Variants in ADCY5 observed in about 807,000 individuals in gnomAD.
The protein encoded by ADCY5 is adenylate cyclase 5.
A neutral mutation model predicts 119.7 loss-of-function variants in ADCY5; 30 were observed. The ratio of observed to expected loss-of-function variants is 0.25; its 90% CI spans 0.19 to 0.34. The LOEUF is 0.34. ADCY5 is among the 10% of genes least tolerant of loss of function. The pLI is 1.00. For synonymous variants in ADCY5, 753 were observed against 762.2 expected, an observed-to-expected ratio of 0.99 and a Z score of 0.20; for missense variants, 1,324 against 1,775.2, an observed-to-expected ratio of 0.75 and a Z score of 4.57.
rs1428888048 is a variant in ADCY5, at chr3:123,286,919, T to C, written c.3533-110A>G. 3 of 1,441,500 alleles carry C rather than the reference T, an allele frequency of 2.1e-6. No homozygotes were observed. Among genetic ancestry groups the C allele is most frequent in the Non-Finnish European group, 1.8e-6 (2 of 1,093,878 alleles). The allele number at this position is 1,441,500 out of a possible 1,614,324, so 89.3% of individuals were successfully genotyped here. Reference sequence around the variant, plus strand: ...TCTGACTCCCAACCTGAGACACCCGTGGGCTTCCAGGCCCAAGGCTGTGCT... The same window carrying C: ...TCTGACTCCCAACCTGAGACACCCGCGGGCTTCCAGGCCCAAGGCTGTGCT... On this transcript the variant is annotated intron_variant, in intron 19 of 20. Coordinates refer to ENST00000462833, the MANE Select transcript of ADCY5 (RefSeq NM_183357.3). The surrounding 1 kb of genome is among the most constrained non-coding windows in gnomAD (Gnocchi z 4.2).
intron 12 of ADCY5, among the ~76,000 whole-genome samples, chr3:123,304,674 A>G (rs1253844435): frequency 6.6e-6 from 1 of 151,956 alleles, no homozygotes; most frequent in Non-Finnish European, 1.5e-5. Flanking sequence ...ACCAGCGAGG[A>G]GCAGGAAGGA....
chr3:123,288,412 G>A (rs1228529430), intron 19 of ADCY5, among the ~76,000 whole-genome samples: 1 of 152,200 alleles, frequency 6.6e-6, no homozygotes, highest in East Asian at 1.9e-4. Context: ...ATGGCTAATA[G>A]AACAAAGGCC....
At chr3:123,307,250 A>C (rs1940248480) in intron 12 of ADCY5, among the ~76,000 whole-genome samples, 1 of 152,160 alleles carries the variant, frequency 6.6e-6, no homozygotes, top group African/African-American at 2.4e-5. Flanking sequence ...TATGCATATT[A>C]TGTCGCAATG....
chr3:123,286,576 G>T lies in ADCY5; in HGVS notation c.3657+109C>A. 1.4e-6 allele frequency: 2 copies of T among 1,426,190 alleles called. No homozygotes were observed. Among genetic ancestry groups the T allele is most frequent in the Non-Finnish European group, 1.9e-6 (2 of 1,068,466 alleles). The allele number at this position is 1,426,190 out of a possible 1,614,324, so 88.3% of individuals were successfully genotyped here. On this transcript the variant is annotated intron_variant, in intron 20 of 20. Coordinates refer to ENST00000462833, the MANE Select transcript of ADCY5 (RefSeq NM_183357.3). The surrounding 1 kb of genome is among the most constrained non-coding windows in gnomAD (Gnocchi z 4.2). ...AACAGCCCCATCACCCTTGAATCTG[G>T]CTGCAGACATTCTGACTGGGAACTG...
At chr3:123,354,725 C>G (rs1157187383) in intron 1 of ADCY5, among the ~76,000 whole-genome samples, 2 of 152,172 alleles carry the variant, frequency 1.3e-5, no homozygotes, top group African/African-American at 2.4e-5. Context: ...TAGCCTCAGA[C>G]AGGCTAGTGC....
At chr3:123,438,323 C>A (rs1945660461) in intron 1 of ADCY5, among the ~76,000 whole-genome samples, 1 of 152,066 alleles carries the variant, frequency 6.6e-6, no homozygotes, top group South Asian at 2.1e-4. Context: ...CTGTTTAATC[C>A]AATATTTCCT....
intron 1 of ADCY5, among the ~76,000 whole-genome samples, chr3:123,441,604 C>G (rs1232654538): frequency 6.6e-6 from 1 of 152,220 alleles, no homozygotes; most frequent in Non-Finnish European, 1.5e-5. Flanking sequence ...TATCTGAAAA[C>G]AGAGATCCCA....
chr3:123,310,354 G>A (rs1361570144), intron 12 of ADCY5, among the ~76,000 whole-genome samples: 1 of 152,164 alleles, frequency 6.6e-6, no homozygotes, highest in African/African-American at 2.4e-5. Context: ...CGGATGATGA[G>A]GCAGGAGCTC....
rs773088836 is a variant in ADCY5, at chr3:123,352,545, T to C, written c.1171A>G (p.Ile391Val). 2 of 1,613,616 alleles carry C rather than the reference T, an allele frequency of 1.2e-6. No homozygotes were observed. Among genetic ancestry groups the C allele is most frequent in the Non-Finnish European group, 1.7e-6 (2 of 1,179,704 alleles). Residue 391 changes from isoleucine (I) to valine (V), a missense_variant, in exon 2 of 21, where the codon ATC becomes GTC. Physicochemically the swap from Ile to Val is conservative, Grantham distance 29 (BLOSUM62 3). Transcript: ENST00000462833. This position sits in a 1 kb window ranked among gnomAD's most constrained non-coding sequence, Gnocchi z 4.8. Reference protein sequence around the residue: ...SNVLIFSCTNIVGVCTHYPAE... With the variant: ...SNVLIFSCTNVVGVCTHYPAE... ...GGATAGTGGGTGCAGACACCCACGA[T>C]GTTGGTGCAGGAGAAAATGAGAACA...
At chr3:123,345,769 G>GACAGAC (rs57198270) in intron 3 of ADCY5, among the ~76,000 whole-genome samples, 67 of 113,834 alleles carry the variant, frequency 5.9e-4, no homozygotes, top group Middle Eastern at 3.9e-3. Flanking sequence ...CAGACAGACA[G>GACAGAC]ACACACACAC....
At chr3:123,440,673 C>T (rs1275606194) in intron 1 of ADCY5, among the ~76,000 whole-genome samples, 1 of 152,134 alleles carries the variant, frequency 6.6e-6, no homozygotes, top group Non-Finnish European at 1.5e-5. Flanking sequence ...CACTCTATAC[C>T]ATCCCTTCTG....
At chr3:123,355,290 C>A (rs1199397552) in intron 1 of ADCY5, among the ~76,000 whole-genome samples, 2 of 152,100 alleles carry the variant, frequency 1.3e-5, no homozygotes, top group Non-Finnish European at 2.9e-5. Flanking sequence ...AAAAAGCAAC[C>A]TACTTTTATA....
intron 3 of ADCY5, among the ~76,000 whole-genome samples, chr3:123,346,230 C>G (rs1436394339): frequency 2.0e-5 from 3 of 152,244 alleles, no homozygotes. Flanking sequence ...GCCTGAAGGG[C>G]TCAAGCCCGG....
In ADCY5 at chr3:123,373,343, G is replaced by C. The variant is rs932338639; in HGVS notation, c.1135-20762C>G. On this transcript the variant is annotated intron_variant, in intron 1 of 20. Transcript: ENST00000462833. ...CTAGCGCATTTAGAAGTCCTCTGTC[G>C]CTGGGCATTATCCATGCCATTGGCT... 5.9e-5 allele frequency among the ~76,000 whole-genome samples: 9 copies of C among 152,334 alleles called. No homozygotes were observed. The South Asian group carries it at 1.9e-3, about 32-fold the overall frequency.
intron 8 of ADCY5, among the ~76,000 whole-genome samples, chr3:123,323,807 A>G (rs1309419618): frequency 6.6e-6 from 1 of 152,028 alleles, no homozygotes; most frequent in Non-Finnish European, 1.5e-5. Flanking sequence ...CTGAAGGAGC[A>G]TGCCACTATG....
chr3:123,359,305 C>T (rs1039341617), intron 1 of ADCY5, among the ~76,000 whole-genome samples: 1 of 125,972 alleles, frequency 7.9e-6, no homozygotes, highest in Admixed American at 8.5e-5. Context: ...AGGTTCCAGG[C>T]AATATTTGGG....
At chr3:123,357,902 GT>G (rs931729121) in intron 1 of ADCY5, among the ~76,000 whole-genome samples, 1 of 152,130 alleles carries the variant, frequency 6.6e-6, no homozygotes, top group African/African-American at 2.4e-5. Context: ...GACAAGGAAG[GT>G]ATGTCCAAAT....
At chr3:123,391,618 C>T (rs1284734275) in intron 1 of ADCY5, among the ~76,000 whole-genome samples, 1 of 152,140 alleles carries the variant, frequency 6.6e-6, no homozygotes, top group African/African-American at 2.4e-5. Context: ...GTCTAAATGC[C>T]ACAGTACAGA....
At chr3:123,348,715 G>C (rs75619673) in intron 2 of ADCY5, among the ~76,000 whole-genome samples, 1,560 of 152,250 alleles carry the variant, frequency 0.01, 32 homozygotes, top group African/African-American at 0.035. Context: ...GCCTGTTACG[G>C]AGTCTGGACT....
Sources: gnomAD v4.1 joint callset for allele counts (sites outside exome capture counted in the v4.1 genomes callset) on GRCh38, gnomAD v4.1.1 for gene constraint, Gnocchi (gnomAD v3.1) non-coding constraint, MANE v1.5 for transcripts, NCBI Gene and HGNC (gene_info 2026-07-23, HGNC 2026-07-21) for gene names.